SP9: variants seen among roughly 807,000 people sequenced by gnomAD.
The protein encoded by SP9 is transcription factor Sp9.
A neutral mutation model predicts 23.0 loss-of-function variants in SP9; 5 were observed. The ratio of observed to expected loss-of-function variants is 0.22; its 90% CI spans 0.11 to 0.46. The LOEUF is 0.46. Among genes scored for constraint, SP9 ranks in the 20% least tolerant of loss-of-function variants. The probability of loss-of-function intolerance (pLI) is 0.99; values close to 1 mark genes in which losing one functional copy is unlikely to be tolerated. For missense variants in SP9, 542 were observed against 724.0 expected, an observed-to-expected ratio of 0.75 and a Z score of 2.88; for synonymous variants, 360 against 356.5, an observed-to-expected ratio of 1.01 and a Z score of -0.11.
rs1684400675 is a variant in SP9 at position 174,335,913 on chromosome 2, G to C, written c.22-194G>C. The C allele has an allele frequency of 1.4e-5, 8 of 559,630 alleles. No homozygotes were observed. In the South Asian group the frequency reaches 1.8e-4, roughly 12 times the overall value. 34.7% of individuals were successfully genotyped at this position (559,630 alleles called of 1,614,324 possible). On this transcript the variant is annotated intron_variant, in intron 1 of 1. Transcript: ENST00000394967. The stretch of plus-strand genomic sequence containing the variant: ...TTTCCGGCGCCTGGACCTTCGCCCG[G>C]GTGATCGCCCCTGCTCCGCGCCCGG...
At chr2:174,335,216 T>C (rs1684385996) in intron 1 of SP9, 103 bp downstream of exon 1, 1 of 1,288,574 alleles carries the variant, frequency 7.8e-7, no homozygotes. Flanking sequence ...GCTGCTAGAC[T>C]GCAGCTTCAG....
chr2:174,336,814 C>T lies in SP9; in HGVS notation c.729C>T (p.Ala243=). The change falls in exon 2 of 2, where the codon GCC becomes GCT. Residue 243 remains alanine (A), a synonymous_variant. Coordinates refer to ENST00000394967, the MANE Select transcript of SP9 (RefSeq NM_001145250.2). The stretch of plus-strand genomic sequence containing the variant: ...CGGGCCTCGGCTCCTCCGCCGCCGC[C>T]GCCTCCCACCTGCTCTCCACCAGCC... The part of the protein sequence containing the change: ...SSTGLGSSAA[A]ASHLLSTSQH... 6.5e-7 allele frequency: 1 copy of T among 1,527,902 alleles called. No individual in the cohort carries two copies. The allele number at this position is 1,527,902 out of a possible 1,614,324, so 94.6% of individuals were successfully genotyped here. A position where few individuals can be genotyped will look rare whatever the true frequency, so the allele number is the denominator to read the frequency against.
Position 174,338,373 on chromosome 2 carries a change from T to A in SP9, c.*833T>A, listed in dbSNP as rs1364995282. On this transcript the variant is annotated 3_prime_UTR_variant, in exon 2 of 2. Transcript: ENST00000394967. ...TATATGTAAAAGATATTTAAAATGT[T>A]GAGTTATCATTTCACTCACAAACAC... 1 of 152,220 alleles carries A rather than the reference T, an allele frequency of 6.6e-6. No individual in the cohort carries two copies. The highest frequency in any genetic ancestry group is 6.5e-5 in the Admixed American group (1 of 15,284). The allele number at this position is 152,220 out of a possible 1,614,324, so 9.4% of individuals were successfully genotyped here. A position where few individuals can be genotyped will look rare whatever the true frequency, so the allele number is the denominator to read the frequency against.
chr2:174,337,083 G>A lies in SP9; in HGVS notation c.998G>A (p.Ser333Asn). ...AGCCTGCGGCGCAAGGGCCTGCACAGCTGCCACATTCCGGGCTGCGGCAAG... is the reference window on the plus strand; with the variant it reads ...AGCCTGCGGCGCAAGGGCCTGCACAACTGCCACATTCCGGGCTGCGGCAAG... ...GASLRRKGLHSCHIPGCGKVY... is the reference protein window; with the variant it reads ...GASLRRKGLHNCHIPGCGKVY... Residue 333 changes from serine to asparagine, a missense_variant, in exon 2 of 2, where the codon AGC (serine) becomes AAC (asparagine). Around this residue, in one of 8 missense-constraint regions of SP9, gnomAD observed 56 missense variants for 97.8 expected, o/e 0.57. Transcript: ENST00000394967. The A allele has an allele frequency of 6.3e-7, 1 of 1,585,926 alleles. No individual in the cohort carries two copies. Among genetic ancestry groups the A allele is most frequent in the Non-Finnish European group, 8.5e-7 (1 of 1,169,688 alleles).
rs1198872474 is a variant in SP9, at chr2:174,335,011, C to G, written c.-82C>G. 8 of 1,490,244 alleles carry G rather than the reference C, an allele frequency of 5.4e-6. No homozygotes were observed. In the African/African-American group the frequency reaches 8.4e-5, roughly 16 times the overall value. The allele number at this position is 1,490,244 out of a possible 1,614,324, so 92.3% of individuals were successfully genotyped here. ...GGCACGAGCGCGGGGACGCGGGAGC[C>G]GCGCGGGACCCAAGCAGTTTTTCCG... On this transcript the variant is annotated 5_prime_UTR_variant, in exon 1 of 2. Coordinates refer to ENST00000394967, the MANE Select transcript of SP9 (RefSeq NM_001145250.2).
chr2:174,336,448 G>A lies in SP9; in HGVS notation c.363G>A (p.Gly121=), dbSNP rs1411836365. ...CGGCTGCCGCGGCGGCAGCGGCCGGGGTGTCCCCGCAGGAGGCGGGTGGCC... is the reference window on the plus strand; with the variant it reads ...CGGCTGCCGCGGCGGCAGCGGCCGGAGTGTCCCCGCAGGAGGCGGGTGGCC... ...NSAAAAAAAA[G]VSPQEAGGQS... Residue 121 remains glycine, a synonymous_variant, in exon 2 of 2, where the codon GGG becomes GGA. Coordinates refer to ENST00000394967, the MANE Select transcript of SP9 (RefSeq NM_001145250.2). 5.4e-6 allele frequency: 8 copies of A among 1,475,976 alleles called. No individual in the cohort carries two copies. The African/African-American group carries it at 5.9e-5, about 11-fold the overall frequency. 91.4% of individuals were successfully genotyped at this position (1,475,976 alleles called of 1,614,324 possible).
chr2:174,335,982 G>A (rs1684403404), intron 1 of SP9, 125 bp from the exon 2 acceptor site: 2 of 873,666 alleles, frequency 2.3e-6, no homozygotes, highest in South Asian at 3.6e-5. Flanking sequence ...GGCGCGAGGC[G>A]GGGAGCCAGG....
chr2:174,336,590 G>A lies in SP9; in HGVS notation c.505G>A (p.Ala169Thr). Residue 169 changes from alanine to threonine, a missense_variant, in exon 2 of 2, where the codon GCC (alanine) becomes ACC (threonine). Physicochemically the swap from Ala to Thr is moderately conservative, Grantham distance 58 (BLOSUM62 0). Coordinates refer to ENST00000394967, the MANE Select transcript of SP9 (RefSeq NM_001145250.2). ...YKSGFHSTLA[A>T]GEVTNGAASS... is the part of the protein sequence containing the mutation. ...GTCGGGCTTCCATTCGACGCTGGCG[G>A]CCGGCGAGGTGACCAACGGCGCGGC... The A allele has an allele frequency of 7.0e-7, 1 of 1,425,278 alleles. No individual in the cohort carries two copies. Among genetic ancestry groups the A allele is most frequent in the Admixed American group, 2.8e-5 (1 of 35,276 alleles). The allele number at this position is 1,425,278 out of a possible 1,614,324, so 88.3% of individuals were successfully genotyped here. A position where few individuals can be genotyped will look rare whatever the true frequency, so the allele number is the denominator to read the frequency against.
chr2:174,337,450 GGCGGCA>G lies in SP9; in HGVS notation c.1371_1376del (p.Ala469_Ala470del), dbSNP rs1574614163. The G allele has an allele frequency of 4.8e-6, 6 of 1,248,102 alleles. No individual in the cohort carries two copies. Among genetic ancestry groups the G allele is most frequent in the Non-Finnish European group, 6.1e-6 (6 of 982,630 alleles). The allele number at this position is 1,248,102 out of a possible 1,614,324, so 77.3% of individuals were successfully genotyped here. ...ACTCCGGCGTCAGTGCCGCCCGGGC[GGCGGCA>G]GCGGCGGCGGCGGCAGCGGCGGCGG... On this transcript the variant is annotated inframe_deletion, in exon 2 of 2. Transcript: ENST00000394967.
chr2:174,335,117 A>T lies in SP9; in HGVS notation c.21+4A>T. The T allele has an allele frequency of 1.3e-6, 2 of 1,551,774 alleles. No individual in the cohort carries two copies. The highest frequency in any genetic ancestry group is 1.7e-6 in the Non-Finnish European group (2 of 1,147,002). On this transcript the variant is annotated splice_donor_region_variant and intron_variant, in intron 1 of 1. Transcript: ENST00000394967. ...TATGGCCACGTCTATACTCGGGGTAAGTCGCAAGCGCGGCAACGCATTTGC... is the reference window on the plus strand; with the variant it reads ...TATGGCCACGTCTATACTCGGGGTATGTCGCAAGCGCGGCAACGCATTTGC...
rs968762304 is a variant in SP9, at chr2:174,334,967, G to C, written c.-126G>C. The stretch of plus-strand genomic sequence containing the variant: ...CGCACTTAGGCTGAGTTTAGCCGGC[G>C]GGAGCCTGGAGTCCGCTCGGCACGA... On this transcript the variant is annotated 5_prime_UTR_variant, in exon 1 of 2. Coordinates refer to ENST00000394967, the MANE Select transcript of SP9 (RefSeq NM_001145250.2). 1.5e-5 allele frequency: 17 copies of C among 1,114,026 alleles called. No individual in the cohort carries two copies. In the Middle Eastern group the frequency reaches 8.6e-4, roughly 56 times the overall value. 69.0% of individuals were successfully genotyped at this position (1,114,026 alleles called of 1,614,324 possible). A position where few individuals can be genotyped will look rare whatever the true frequency, so the allele number is the denominator to read the frequency against.
chr2:174,337,318 T>G lies in SP9; in HGVS notation c.1233T>G (p.Ile411Met), dbSNP rs952184483. ...FMRSDHLSKH[I>M]KTHNGGGGGK... Reference sequence around the variant, plus strand: ...GCAGCGACCACCTGAGCAAACACATTAAGACGCACAACGGGGGCGGCGGGG... The same window carrying G: ...GCAGCGACCACCTGAGCAAACACATGAAGACGCACAACGGGGGCGGCGGGG... The change falls in exon 2 of 2, where the codon ATT becomes ATG. Residue 411 changes from isoleucine (I) to methionine (M), a missense_variant. Coordinates refer to ENST00000394967, the MANE Select transcript of SP9 (RefSeq NM_001145250.2). 1 of 1,551,866 alleles carries G rather than the reference T, an allele frequency of 6.4e-7. No individual in the cohort carries two copies. Among genetic ancestry groups the G allele is most frequent in the African/African-American group, 1.4e-5 (1 of 72,948 alleles).
chr2:174,336,030 C>T (rs765656083), intron 1 of SP9, 77 bp from the exon 2 acceptor site: 14 of 1,397,252 alleles, frequency 1.0e-5, no homozygotes, highest in East Asian at 2.6e-5. Context: ...AGGCTGCTCA[C>T]GGGTGCACTT....
chr2:174,335,260 AT>A, intron 1 of SP9, 147 bp downstream of exon 1: 6 of 866,936 alleles, frequency 6.9e-6, no homozygotes, highest in South Asian at 2.1e-5. Context: ...TCTGGGACTG[AT>A]TTTTCCCCAA....
In SP9 at chr2:174,337,291, G is replaced by T; in HGVS notation, c.1206G>T (p.Met402Ile). ...GTCCGGTGTGCAACAAGCGCTTCATGCGCAGCGACCACCTGAGCAAACACA... is the reference window on the plus strand; with the variant it reads ...GTCCGGTGTGCAACAAGCGCTTCATTCGCAGCGACCACCTGAGCAAACACA... Reference protein sequence around the residue: ...FACPVCNKRFMRSDHLSKHIK... With the variant: ...FACPVCNKRFIRSDHLSKHIK... Residue 402 changes from methionine (M) to isoleucine (I), a missense_variant, in exon 2 of 2, where the codon ATG becomes ATT. Physicochemically the swap from Met to Ile is conservative, Grantham distance 10 (BLOSUM62 1). Around this residue, in one of 8 missense-constraint regions of SP9, gnomAD observed 31 missense variants for 16.7 expected, o/e 1.85. Coordinates refer to ENST00000394967, the MANE Select transcript of SP9 (RefSeq NM_001145250.2). 1 of 1,556,468 alleles carries T rather than the reference G, an allele frequency of 6.4e-7. No individual in the cohort carries two copies. The highest frequency in any genetic ancestry group is 8.7e-7 in the Non-Finnish European group (1 of 1,150,018).
chr2:174,337,571 G>T lies in SP9; in HGVS notation c.*31G>T. ...GGGCGAGAGGCGCGAGCACACAAGC[G>T]AGTAGAGACACCGAGAACGAACGAG... On this transcript the variant is annotated 3_prime_UTR_variant, in exon 2 of 2. Transcript: ENST00000394967. The T allele has an allele frequency of 8.8e-7, 1 of 1,141,624 alleles. No individual in the cohort carries two copies. The highest frequency in any genetic ancestry group is 1.1e-6 in the Non-Finnish European group (1 of 930,620). The allele number at this position is 1,141,624 out of a possible 1,614,324, so 70.7% of individuals were successfully genotyped here.
At position 174,337,557 on chromosome 2, in the gene SP9, G is replaced by A. The variant is rs1296084326; in HGVS notation, c.*17G>A. On this transcript the variant is annotated 3_prime_UTR_variant, in exon 2 of 2. Coordinates refer to ENST00000394967, the MANE Select transcript of SP9 (RefSeq NM_001145250.2). ...GACTCTTAGAGGCCGGGCGAGAGGC[G>A]CGAGCACACAAGCGAGTAGAGACAC... 1.8e-5 allele frequency: 21 copies of A among 1,151,138 alleles called. No individual in the cohort carries two copies. Among genetic ancestry groups the A allele is most frequent in the Non-Finnish European group, 2.1e-5 (20 of 936,762 alleles). 71.3% of individuals were successfully genotyped at this position (1,151,138 alleles called of 1,614,324 possible).
In SP9 at chr2:174,336,403, C is replaced by A; in HGVS notation, c.318C>A (p.Gly106=). The part of the protein sequence containing the change: ...PTSSAFSSDY[G]GLFSNSAAAA... ...CGTCCGCCTTCAGCAGCGACTACGG[C>A]GGCCTCTTCTCCAACTCGGCGGCTG... Residue 106 remains glycine (G), a synonymous_variant, in exon 2 of 2, where the codon GGC becomes GGA. Transcript: ENST00000394967. 6.7e-7 allele frequency: 1 copy of A among 1,485,210 alleles called. No homozygotes were observed. Among genetic ancestry groups the A allele is most frequent in the Non-Finnish European group, 8.9e-7 (1 of 1,125,972 alleles). The allele number at this position is 1,485,210 out of a possible 1,614,324, so 92.0% of individuals were successfully genotyped here.
In SP9 at chr2:174,336,875, T is replaced by A; in HGVS notation, c.790T>A (p.Leu264Met). 1 of 1,518,260 alleles carries A rather than the reference T, an allele frequency of 6.6e-7. No homozygotes were observed. 94.0% of individuals were successfully genotyped at this position (1,518,260 alleles called of 1,614,324 possible). ...GGCCCAGGACGGCTTCAAGCCGGTG[T>A]TGCCCTCCTATTCGGACTCCAGCGC... ...LLAQDGFKPV[L>M]PSYSDSSAAV... Residue 264 changes from leucine (L) to methionine (M), a missense_variant, in exon 2 of 2, where the codon TTG (leucine) becomes ATG (methionine). Physicochemically the swap from Leu to Met is conservative, Grantham distance 15. Coordinates refer to ENST00000394967, the MANE Select transcript of SP9 (RefSeq NM_001145250.2).
Sources: allele counts gnomAD v4.1 joint callset, GRCh38; gene constraint gnomAD v4.1.1; regional missense constraint gnomAD v4.1.1; transcripts MANE v1.5; gene names NCBI Gene and HGNC (gene_info 2026-07-23, HGNC 2026-07-21).